Variants in UBE2F observed in about 807,000 individuals in gnomAD.
The protein encoded by UBE2F is NEDD8-conjugating enzyme UBE2F.
In UBE2F, 5 loss-of-function variants were observed where a neutral mutation model predicts 29.6. The observed-to-expected ratio is 0.17, with a 90% CI of 0.09 to 0.36. The LOEUF (loss-of-function observed/expected upper bound fraction) is 0.36, where lower values mean the gene tolerates loss of function less well. UBE2F is among the 10% of genes least tolerant of loss of function. UBE2F has a pLI of 1.00. For synonymous variants in UBE2F, 66 were observed against 81.8 expected, an observed-to-expected ratio of 0.81 and a Z score of 1.04; for missense variants, 141 against 228.5, an observed-to-expected ratio of 0.62 and a Z score of 2.47.
At chr2:237,978,957 C>G (rs551386152) in intron 2 of UBE2F, among the ~76,000 whole-genome samples, 1 of 152,296 alleles carries the variant, frequency 6.6e-6, no homozygotes, top group African/African-American at 2.4e-5. Flanking sequence ...GGCACTGTTT[C>G]CATCTAATAG....
chr2:238,017,668 A>G (rs2106385177), intron 5 of UBE2F, among the ~76,000 whole-genome samples: 1 of 152,312 alleles, frequency 6.6e-6, no homozygotes, highest in East Asian at 1.9e-4. Context: ...CAGGCAGTTC[A>G]GCATGCTTGT....
At chr2:238,014,561 G>A (rs1025192135) in intron 4 of UBE2F, among the ~76,000 whole-genome samples, 5 of 152,216 alleles carry the variant, frequency 3.3e-5, no homozygotes, top group Non-Finnish European at 7.3e-5. Flanking sequence ...AAAAAATATA[G>A]CATGGCAGGA....
intron 2 of UBE2F, among the ~76,000 whole-genome samples, chr2:237,985,823 A>G (rs1250408321): frequency 2.0e-5 from 3 of 152,222 alleles, no homozygotes; most frequent in African/African-American, 7.2e-5. Flanking sequence ...CTATCAGTAT[A>G]CAAGGGTTCT....
At chr2:237,992,158 G>A (rs77463136) in intron 3 of UBE2F, among the ~76,000 whole-genome samples, 6,474 of 152,206 alleles carry the variant, frequency 0.043, 168 homozygotes, top group South Asian at 0.071. Flanking sequence ...GAGCCACTGC[G>A]ACCGGCCGAT....
Position 238,025,415 on chromosome 2 carries a change from G to T in UBE2F, c.353+3G>T. On this transcript the variant is annotated splice_donor_region_variant and intron_variant, in intron 6 of 9. Transcript: ENST00000272930. ...GAGACAGGGGAAATATGTCTGAGGT[G>T]AGTTTATTGTCTTTTCTTTCTTCTA... is the stretch of plus-strand genomic sequence containing the variant. The T allele has an allele frequency of 1.2e-6, 2 of 1,613,140 alleles. No homozygotes were observed. Among genetic ancestry groups the T allele is most frequent in the South Asian group, 1.1e-5 (1 of 90,934 alleles).
rs1157810997 is a variant in UBE2F, at chr2:238,041,844, T to G, written c.*506T>G. The G allele has an allele frequency of 6.5e-6, 1 of 153,880 alleles. No individual in the cohort carries two copies. Among genetic ancestry groups the G allele is most frequent in the African/African-American group, 2.4e-5 (1 of 41,498 alleles). The allele number at this position is 153,880 out of a possible 1,614,324, so 9.5% of individuals were successfully genotyped here. A position where few individuals can be genotyped will look rare whatever the true frequency, so the allele number is the denominator to read the frequency against. On this transcript the variant is annotated 3_prime_UTR_variant, in exon 10 of 10. Transcript: ENST00000272930. ...CTAGATGTTGTGAAGCCTCCCAGAA[T>G]GCATAGAGTCATTCACTGTAGATCT...
Position 237,967,160 on chromosome 2 carries a change from C to A in UBE2F, c.-17+28C>A. On this transcript the variant is annotated intron_variant, in intron 1 of 9. Transcript: ENST00000272930. The surrounding 1 kb of genome is among the most constrained non-coding windows in gnomAD (Gnocchi z 6.3). ...GAGGAGCGACCGTGCGGCTCTGCGG[C>A]GGGGCGAGGTGCGGCCGCCGGTGCA... 2 of 1,193,782 alleles carry A rather than the reference C, an allele frequency of 1.7e-6. No homozygotes were observed. The highest frequency in any genetic ancestry group is 3.6e-5 in the South Asian group (1 of 27,574). The allele number at this position is 1,193,782 out of a possible 1,614,324, so 73.9% of individuals were successfully genotyped here.
intron 7 of UBE2F, 113 bp from the exon 8 acceptor site, chr2:238,032,109 C>A: frequency 2.6e-6 from 2 of 763,310 alleles, no homozygotes; most frequent in Non-Finnish European, 4.4e-6. Context: ...GAAAAACAAA[C>A]CATGCTAAAG....
intron 4 of UBE2F, among the ~76,000 whole-genome samples, chr2:238,012,511 T>C (rs193083213): frequency 6.6e-6 from 1 of 152,374 alleles, no homozygotes; most frequent in East Asian, 1.9e-4. Flanking sequence ...CTAATATGTA[T>C]ACCAATGTAG....
intron 2 of UBE2F, 111 bp from the exon 3 acceptor site, chr2:237,987,852 C>CAT (rs59213280): frequency 0.13 from 65,675 of 515,218 alleles, 6,376 homozygotes; most frequent in African/African-American, 0.32. Context: ...TCAGTTCATC[C>CAT]TTTTTTTTTT....
At chr2:237,970,021 T>C (rs1480255141) in intron 1 of UBE2F, among the ~76,000 whole-genome samples, 6 of 152,188 alleles carry the variant, frequency 3.9e-5, no homozygotes, top group African/African-American at 1.2e-4. Flanking sequence ...AAATTGCCCA[T>C]ATTTAAATTG....
chr2:237,968,818 T>C, intron 1 of UBE2F: 1 of 984,292 alleles, frequency 1.0e-6, no homozygotes, highest in Non-Finnish European at 1.2e-6. Context: ...CCTTAGAGCG[T>C]AATTTGCAGG....
chr2:238,029,710 G>A (rs1467099718), intron 6 of UBE2F, among the ~76,000 whole-genome samples: 1 of 152,194 alleles, frequency 6.6e-6, no homozygotes, highest in Non-Finnish European at 1.5e-5. Flanking sequence ...GCCTGGGTTG[G>A]AAGAACAACA....
chr2:238,005,032 T>C lies in UBE2F; in HGVS notation c.214+10223T>C, dbSNP rs1242488603. Among the ~76,000 whole-genome samples the C allele has an allele frequency of 2.0e-5, 3 of 152,100 alleles. No individual in the cohort carries two copies. In the East Asian group the frequency reaches 5.8e-4, roughly 29 times the overall value. The stretch of plus-strand genomic sequence containing the variant: ...ATGATCTTAGCCTAGTGAGACCCAT[T>C]TTGGTCTTCTGGCCTCCAGAAGATA... On this transcript the variant is annotated intron_variant, in intron 4 of 9. Transcript: ENST00000272930.
At chr2:237,988,712 T>C (rs182524723) in intron 3 of UBE2F, among the ~76,000 whole-genome samples, 24 of 152,274 alleles carry the variant, frequency 1.6e-4, no homozygotes, top group African/African-American at 5.3e-4. Context: ...TTTTTGCCTC[T>C]TCCAGATGCA....
At chr2:237,996,012 C>G (rs553472929) in intron 4 of UBE2F, among the ~76,000 whole-genome samples, 1 of 152,290 alleles carries the variant, frequency 6.6e-6, no homozygotes, top group Non-Finnish European at 1.5e-5. Context: ...TGCCTGACAT[C>G]TATAGATAAA....
At chr2:237,991,201 C>G (rs527698393) in intron 3 of UBE2F, among the ~76,000 whole-genome samples, 3 of 152,216 alleles carry the variant, frequency 2.0e-5, no homozygotes, top group South Asian at 2.1e-4. Context: ...CTCTCCTAAT[C>G]GAAGAGGGGG....
At chr2:238,036,702 T>G (rs1020536753) in intron 9 of UBE2F, among the ~76,000 whole-genome samples, 32 of 152,188 alleles carry the variant, frequency 2.1e-4, no homozygotes, top group African/African-American at 7.0e-4. Flanking sequence ...GGCACACGCC[T>G]GTGGTCCCAG....
At chr2:238,029,252 A>G (rs1485097248) in intron 6 of UBE2F, among the ~76,000 whole-genome samples, 2 of 149,182 alleles carry the variant, frequency 1.3e-5, no homozygotes, top group East Asian at 2.0e-4. Context: ...TTAATCTTTT[A>G]TCCTCAAGCT....
Sources: allele counts gnomAD v4.1 joint callset (sites outside exome capture counted in the v4.1 genomes callset), GRCh38; gene constraint gnomAD v4.1.1; non-coding constraint Gnocchi (gnomAD v3.1); transcripts MANE v1.5; gene names NCBI Gene and HGNC (gene_info 2026-07-23, HGNC 2026-07-21).